Variants in ADK observed in about 807,000 individuals in gnomAD.
ADK encodes the protein adenosine kinase, also known as N6,N6-dimethyladenosine kinase.
ADK carries 24 observed loss-of-function variants against 44.7 expected under a neutral mutation model. That is an observed-to-expected ratio of 0.54 (90% CI 0.39 to 0.76). The LOEUF is 0.76. Ranked by LOEUF, ADK falls within the 30% of genes least tolerant of loss-of-function variation. The pLI, the probability that ADK is intolerant of heterozygous loss-of-function variation, is 0.00. For synonymous variants in ADK, 128 were observed against 142.6 expected (o/e 0.90, Z 0.73); for missense variants, 321 against 425.1 (o/e 0.76, Z 2.15).
At chr10:74,568,260 G>C (rs1263479988) in intron 7 of ADK, among the ~76,000 whole-genome samples, 1 of 152,086 alleles carries the variant, frequency 6.6e-6, no homozygotes, top group Non-Finnish European at 1.5e-5. Context: ...CAAAAGATTG[G>C]ACATCCTTTA....
At chr10:74,304,373 G>A (rs1286890553) in intron 3 of ADK, among the ~76,000 whole-genome samples, 1 of 152,114 alleles carries the variant, frequency 6.6e-6, no homozygotes, top group Non-Finnish European at 1.5e-5. Context: ...TAAATGAAAT[G>A]AAAGAGTGGA....
chr10:74,223,166 C>A (rs559797728), intron 2 of ADK, among the ~76,000 whole-genome samples: 1 of 152,162 alleles, frequency 6.6e-6, no homozygotes, highest in East Asian at 1.9e-4. Context: ...TGGTGAGAAC[C>A]TTCTTGCTGA....
At chr10:74,266,049 G>A (rs986119593) in intron 3 of ADK, among the ~76,000 whole-genome samples, 6 of 152,088 alleles carry the variant, frequency 3.9e-5, no homozygotes, top group African/African-American at 1.4e-4. Context: ...TAAGGATGAT[G>A]TGTTGATGTG....
chr10:74,508,608 C>A (rs1848176649), intron 6 of ADK, among the ~76,000 whole-genome samples: 1 of 152,032 alleles, frequency 6.6e-6, no homozygotes, highest in Non-Finnish European at 1.5e-5. Flanking sequence ...GACAGATTAG[C>A]AAAAATTTTT....
chr10:74,177,596 T>G (rs1842389393), intron 1 of ADK, among the ~76,000 whole-genome samples: 1 of 152,176 alleles, frequency 6.6e-6, no homozygotes, highest in South Asian at 2.1e-4. Flanking sequence ...TAGCCTTGAC[T>G]GAATGTTTAA....
chr10:74,290,771 A>G lies in ADK; in HGVS notation c.195-23896A>G, dbSNP rs377492101. Among the ~76,000 whole-genome samples the G allele has an allele frequency of 2.8e-4, 42 of 152,232 alleles. 1 individual carries two copies. The highest frequency in any genetic ancestry group is 6.8e-3 in the Middle Eastern group (2 of 294). On this transcript the variant is annotated intron_variant, in intron 3 of 10. Coordinates refer to ENST00000539909, the MANE Select transcript of ADK (RefSeq NM_006721.4). ...ATTTAATTTTTCCTGTCCCTTCCCC[A>G]TGCTTGCTAATTATGTTTTTTAAAG...
chr10:74,652,130 C>T (rs1271515931), intron 9 of ADK, among the ~76,000 whole-genome samples: 9 of 151,250 alleles, frequency 6.0e-5, no homozygotes, highest in Non-Finnish European at 1.3e-4. Context: ...CAACCTCTGC[C>T]TCCTCAGTTC....
chr10:74,418,527 G>A (rs921234711), intron 6 of ADK, among the ~76,000 whole-genome samples: 2 of 152,140 alleles, frequency 1.3e-5, no homozygotes, highest in Admixed American at 1.3e-4. Context: ...GGCGATTAAT[G>A]ACAAAGCAAG....
intron 3 of ADK, among the ~76,000 whole-genome samples, chr10:74,228,376 A>G (rs1415457386): frequency 6.6e-6 from 1 of 152,226 alleles, no homozygotes; most frequent in Non-Finnish European, 1.5e-5. Context: ...TATAGGATTT[A>G]TAGTTTGTTC....
At chr10:74,366,516 GT>G (rs1161667012) in intron 4 of ADK, among the ~76,000 whole-genome samples, 3 of 152,078 alleles carry the variant, frequency 2.0e-5, no homozygotes, top group Non-Finnish European at 4.4e-5. Flanking sequence ...AAATAAAATT[GT>G]TTTTAGCAGT....
At chr10:74,369,327 G>A (rs1842588765) in intron 4 of ADK, among the ~76,000 whole-genome samples, 1 of 152,200 alleles carries the variant, frequency 6.6e-6, no homozygotes, top group African/African-American at 2.4e-5. Flanking sequence ...CTGTGCTCCA[G>A]CCTCAGAGAC....
At chr10:74,583,667 G>A (rs955951292) in intron 7 of ADK, among the ~76,000 whole-genome samples, 1 of 152,118 alleles carries the variant, frequency 6.6e-6, no homozygotes, top group Non-Finnish European at 1.5e-5. Context: ...TTACAGGCAT[G>A]AGCCACTGCA....
intron 6 of ADK, among the ~76,000 whole-genome samples, chr10:74,520,384 G>A (rs1049374255): frequency 2.6e-5 from 4 of 151,106 alleles, no homozygotes; most frequent in African/African-American, 9.7e-5. Context: ...TTTTACATAG[G>A]TTTATTTCCT....
chr10:74,682,441 C>T (rs777829253), intron 10 of ADK, among the ~76,000 whole-genome samples: 1 of 152,198 alleles, frequency 6.6e-6, no homozygotes, highest in African/African-American at 2.4e-5. Flanking sequence ...TTCTCAGTTG[C>T]TCACTTTATG....
At chr10:74,661,122 T>C (rs946186) in intron 9 of ADK, among the ~76,000 whole-genome samples, 35,458 of 152,134 alleles carry the variant, frequency 0.23, 5,279 homozygotes, top group East Asian at 0.69. Context: ...GTCTGACTTA[T>C]GCACTTAACC....
rs185889446 is a variant in ADK at position 74,653,356 on chromosome 10, G to C, written c.878-16827G>C. Among the ~76,000 whole-genome samples, 55 of 152,224 alleles carry C rather than the reference G, an allele frequency of 3.6e-4. No homozygotes were observed. In the East Asian group the frequency reaches 0.011, roughly 29 times the overall value. ...AATCCCAGCTACACGGGAGGGTAAG[G>C]CAGGAGAATTGCTTGAACCCAGGAG... On this transcript the variant is annotated intron_variant, in intron 9 of 10. Transcript: ENST00000539909.
At chr10:74,534,258 TTGTA>T (rs1243597691) in intron 7 of ADK, among the ~76,000 whole-genome samples, 1 of 152,242 alleles carries the variant, frequency 6.6e-6, no homozygotes, top group Non-Finnish European at 1.5e-5. Context: ...GTGCAGATAA[TTGTA>T]TGTCAGTTAT....
intron 2 of ADK, among the ~76,000 whole-genome samples, chr10:74,222,763 A>G (rs1238236420): frequency 1.3e-5 from 2 of 151,696 alleles, no homozygotes; most frequent in East Asian, 1.9e-4. Flanking sequence ...TCACAAGAAC[A>G]AAAAACCAAA....
intron 7 of ADK, among the ~76,000 whole-genome samples, chr10:74,567,547 C>G (rs1850717016): frequency 6.6e-6 from 1 of 152,142 alleles, no homozygotes; most frequent in Admixed American, 6.5e-5. Context: ...TTGCTATTCT[C>G]AGGACACACG....
Sources: gnomAD v4.1 joint callset for allele counts (sites outside exome capture counted in the v4.1 genomes callset) on GRCh38, gnomAD v4.1.1 for gene constraint, MANE v1.5 for transcripts, NCBI Gene and HGNC (gene_info 2026-07-23, HGNC 2026-07-21) for gene names.